Variants in SHISA9 observed in about 807,000 individuals in gnomAD.
SHISA9 encodes protein shisa-9.
Under a neutral mutation model 38.0 loss-of-function variants are expected in SHISA9, and 13 were observed. That is an observed-to-expected ratio of 0.34 (90% CI 0.22 to 0.54). SHISA9 has a LOEUF of 0.54. Among genes scored for constraint, SHISA9 ranks in the 20% least tolerant of loss-of-function variants. The probability of loss-of-function intolerance (pLI) is 0.91; values close to 1 mark genes in which losing one functional copy is unlikely to be tolerated. For missense variants in SHISA9, 538 were observed against 575.8 expected (o/e 0.93, Z 0.67); for synonymous variants, 275 against 242.0 (o/e 1.14, Z -1.27).
chr16:13,539,170 C>A, the SHISA9 span, among the ~76,000 whole-genome samples: 1 of 150,992 alleles, frequency 6.6e-6, no homozygotes, highest in Non-Finnish European at 1.5e-5. Context: ...CACTCTGGCA[C>A]CCAGGCTGGA....
At chr16:13,058,583 A>T (rs1320883348) in intron 2 of SHISA9, among the ~76,000 whole-genome samples, 2 of 152,226 alleles carry the variant, frequency 1.3e-5, no homozygotes, top group East Asian at 3.9e-4. Flanking sequence ...GGTGGAGCTC[A>T]GAATAAAATC....
chr16:13,391,445 A>G, the SHISA9 span, among the ~76,000 whole-genome samples: 1 of 152,194 alleles, frequency 6.6e-6, no homozygotes, highest in African/African-American at 2.4e-5. Context: ...AGTTAGAGAG[A>G]AGAGATACTG....
Position 13,061,933 on chromosome 16 carries a change from T to C in SHISA9, c.692-141461T>C, listed in dbSNP as rs368684235. Among the ~76,000 whole-genome samples, 4 of 152,030 alleles carry C rather than the reference T, an allele frequency of 2.6e-5. No homozygotes were observed. The South Asian group carries it at 8.3e-4, about 32-fold the overall frequency. On this transcript the variant is annotated intron_variant, in intron 2 of 4. Transcript: ENST00000558583. ...GACGGAAGAGCCTGCACAAGTTCCT[T>C]AAGTTGGACGGAGCTCAATGCGCCA...
chr16:13,537,349 A>C, the SHISA9 span, among the ~76,000 whole-genome samples: 2 of 151,748 alleles, frequency 1.3e-5, no homozygotes, highest in Admixed American at 6.6e-5. Context: ...AATCACTTAA[A>C]CTTGGGAGGT....
chr16:13,069,826 T>C (rs932702336), intron 2 of SHISA9, among the ~76,000 whole-genome samples: 1 of 152,124 alleles, frequency 6.6e-6, no homozygotes, highest in Non-Finnish European at 1.5e-5. Flanking sequence ...TTATGAAAGA[T>C]GTCCCAGAGA....
chr16:13,462,098 A>G, the SHISA9 span, among the ~76,000 whole-genome samples: 74 of 151,800 alleles, frequency 4.9e-4, 1 homozygote, highest in Admixed American at 1.1e-3. Context: ...AGTGAGACCC[A>G]CATCTCTGCT....
chr16:13,245,281 ACATGATAT>A (rs2051463664), downstream of SHISA9, among the ~76,000 whole-genome samples: 1 of 152,194 alleles, frequency 6.6e-6, no homozygotes, highest in Non-Finnish European at 1.5e-5. Context: ...GAAAGTAAAG[ACATGATAT>A]ATTTTCTCCC....
Position 12,994,738 on chromosome 16 carries a change from C to T in SHISA9, c.691+77923C>T, listed in dbSNP as rs190085798. Among the ~76,000 whole-genome samples the T allele has an allele frequency of 5.9e-5, 9 of 152,172 alleles. No individual in the cohort carries two copies. In the East Asian group the frequency reaches 9.7e-4, roughly 16 times the overall value. On this transcript the variant is annotated intron_variant, in intron 2 of 4. Coordinates refer to ENST00000558583, the MANE Select transcript of SHISA9 (RefSeq NM_001145204.3). ...TAATGAAGGTAGGACTGGTGTAATC[C>T]GTTGGTCATGGTCAGGTATATGATG... is the stretch of plus-strand genomic sequence containing the variant.
At chr16:12,912,767 A>G (rs1213695796) in intron 1 of SHISA9, among the ~76,000 whole-genome samples, 2 of 152,172 alleles carry the variant, frequency 1.3e-5, no homozygotes, top group African/African-American at 4.8e-5. Flanking sequence ...TAGTGAGTTC[A>G]CGTGGGCAGT....
intron 4 of SHISA9, among the ~76,000 whole-genome samples, chr16:13,230,754 C>T (rs1301269610): frequency 6.6e-6 from 1 of 152,174 alleles, no homozygotes; most frequent in Non-Finnish European, 1.5e-5. Flanking sequence ...GACAGAGCAG[C>T]CCTGAGGGCT....
chr16:13,064,389 A>AGG (rs2073410189), intron 2 of SHISA9, among the ~76,000 whole-genome samples: 3 of 152,196 alleles, frequency 2.0e-5, no homozygotes, highest in African/African-American at 7.2e-5. Flanking sequence ...AGAATAGAAC[A>AGG]CATGAGATCA....
At chr16:13,154,970 C>A (rs544068602) in intron 2 of SHISA9, among the ~76,000 whole-genome samples, 2 of 152,342 alleles carry the variant, frequency 1.3e-5, no homozygotes, top group South Asian at 4.1e-4. Flanking sequence ...TCATGGTACA[C>A]ATGGCTGCTC....
chr16:13,543,590 T>C, the SHISA9 span, among the ~76,000 whole-genome samples: 6 of 152,060 alleles, frequency 3.9e-5, no homozygotes, highest in African/African-American at 1.4e-4. Context: ...GGGCCATCAC[T>C]CCCCACACTC....
At chr16:13,323,409 C>T in the SHISA9 span, among the ~76,000 whole-genome samples, 5 of 152,128 alleles carry the variant, frequency 3.3e-5, no homozygotes, top group African/African-American at 7.2e-5. Flanking sequence ...ACAAGTTTGG[C>T]GCTTGACATG....
rs566855250 is a variant in SHISA9 at position 13,138,550 on chromosome 16, C to A, written c.692-64844C>A. Among the ~76,000 whole-genome samples the A allele has an allele frequency of 2.0e-3, 306 of 152,258 alleles. 1 individual carries two copies. Among genetic ancestry groups the A allele is most frequent in the African/African-American group, 7.1e-3 (294 of 41,550 alleles). ...TAAATTGAATGAACAGATATGGCAGCCCCCAGACCTTAGACTCCACGAACT... is the reference window on the plus strand; with the variant it reads ...TAAATTGAATGAACAGATATGGCAGACCCCAGACCTTAGACTCCACGAACT... On this transcript the variant is annotated intron_variant, in intron 2 of 4. Coordinates refer to ENST00000558583, the MANE Select transcript of SHISA9 (RefSeq NM_001145204.3).
chr16:13,019,816 CTTT>C (rs1567183837), intron 2 of SHISA9, among the ~76,000 whole-genome samples: 87 of 138,456 alleles, frequency 6.3e-4, no homozygotes, highest in African/African-American at 2.2e-3. Context: ...TTCTTTCTTT[CTTT>C]CTTTCTTTCT....
the SHISA9 span, among the ~76,000 whole-genome samples, chr16:13,446,303 G>T: frequency 6.6e-6 from 1 of 152,076 alleles, no homozygotes; most frequent in Non-Finnish European, 1.5e-5. Context: ...ACTAGGAGCA[G>T]GTTTACTGTA....
the SHISA9 span, among the ~76,000 whole-genome samples, chr16:13,498,215 A>T: frequency 6.6e-6 from 1 of 152,170 alleles, no homozygotes; most frequent in Non-Finnish European, 1.5e-5. Flanking sequence ...ATACCAAAAA[A>T]ATCAGTTTCA....
intron 2 of SHISA9, among the ~76,000 whole-genome samples, chr16:12,938,183 A>G (rs2071558681): frequency 6.6e-6 from 1 of 152,228 alleles, no homozygotes; most frequent in African/African-American, 2.4e-5. Flanking sequence ...AAGGGGAAGA[A>G]TAAAGCTATG....
Sources: allele counts gnomAD v4.1 joint callset (sites outside exome capture counted in the v4.1 genomes callset), GRCh38; gene constraint gnomAD v4.1.1; transcripts MANE v1.5; gene names NCBI Gene and HGNC (gene_info 2026-07-23, HGNC 2026-07-21).